NRG3: variants seen among roughly 807,000 people sequenced by gnomAD.
NRG3 encodes the protein neuregulin 3.
In NRG3, 31 loss-of-function variants were observed where a neutral mutation model predicts 66.9. That is an observed-to-expected ratio of 0.46 (90% CI 0.35 to 0.63). The LOEUF (loss-of-function observed/expected upper bound fraction) is 0.63. NRG3 is among the 20% of genes least tolerant of loss of function. The probability of loss-of-function intolerance (pLI) is 0.00; values close to 1 mark genes in which losing one functional copy is unlikely to be tolerated. For synonymous variants in NRG3, 393 were observed against 359.4 expected (o/e 1.09, Z -1.06); for missense variants, 910 against 878.9 (o/e 1.04, Z -0.45).
intron 4 of NRG3, among the ~76,000 whole-genome samples, chr10:82,915,996 C>G (rs893005633): frequency 3.3e-5 from 5 of 152,018 alleles, no homozygotes; most frequent in African/African-American, 1.2e-4. Context: ...ATCTCAGTAG[C>G]CTTTTTTATT....
intron 2 of NRG3, among the ~76,000 whole-genome samples, chr10:82,390,251 T>C (rs2086264434): frequency 1.3e-5 from 2 of 152,160 alleles, no homozygotes; most frequent in Admixed American, 1.3e-4. Context: ...CTTTCTTTAA[T>C]GGCATTTCCC....
chr10:81,969,915 A>G (rs2059866469), intron 1 of NRG3, among the ~76,000 whole-genome samples: 1 of 152,054 alleles, frequency 6.6e-6, no homozygotes, highest in South Asian at 2.1e-4. Context: ...ATTTGTCACA[A>G]GATATTGCAC....
intron 3 of NRG3, among the ~76,000 whole-genome samples, chr10:82,784,752 T>G (rs1233666123): frequency 6.6e-6 from 1 of 151,986 alleles, no homozygotes; most frequent in Non-Finnish European, 1.5e-5. Context: ...TTTACACTGT[T>G]GGTGGGACTG....
chr10:82,437,630 T>A (rs1477049578), intron 2 of NRG3, among the ~76,000 whole-genome samples: 2 of 151,990 alleles, frequency 1.3e-5, no homozygotes, highest in African/African-American at 4.8e-5. Flanking sequence ...GCCTTTTGGG[T>A]TTTTGGCATT....
intron 3 of NRG3, among the ~76,000 whole-genome samples, chr10:82,761,958 T>TTCTTTC (rs1379553727): frequency 6.7e-6 from 1 of 148,944 alleles, no homozygotes; most frequent in African/African-American, 2.5e-5. Flanking sequence ...CTTTCTTTCT[T>TTCTTTC]TCTTTCTTTC....
At chr10:82,616,519 G>A (rs1209287684) in intron 2 of NRG3, among the ~76,000 whole-genome samples, 1 of 152,090 alleles carries the variant, frequency 6.6e-6, no homozygotes, top group Non-Finnish European at 1.5e-5. Flanking sequence ...TTTGAAATCT[G>A]ATCTCACACT....
intron 1 of NRG3, among the ~76,000 whole-genome samples, chr10:82,320,705 T>A (rs1026292544): frequency 2.0e-5 from 3 of 152,268 alleles, no homozygotes; most frequent in African/African-American, 7.2e-5. Context: ...CCCTGTGATA[T>A]GGACAACACA....
intron 3 of NRG3, among the ~76,000 whole-genome samples, chr10:82,761,997 C>T (rs1348963085): frequency 1.2e-5 from 1 of 86,896 alleles, no homozygotes; most frequent in Non-Finnish European, 2.4e-5. Context: ...TCTTTCTTTT[C>T]CTTTCTCTCT....
At chr10:82,367,336 G>T (rs2084599831) in intron 2 of NRG3, among the ~76,000 whole-genome samples, 1 of 152,066 alleles carries the variant, frequency 6.6e-6, no homozygotes, top group Non-Finnish European at 1.5e-5. Context: ...ATTGATTTTG[G>T]TCTGTCCCTT....
intron 2 of NRG3, among the ~76,000 whole-genome samples, chr10:82,556,657 A>G (rs2044671510): frequency 6.6e-6 from 1 of 152,100 alleles, no homozygotes; most frequent in South Asian, 2.1e-4. Flanking sequence ...TTAAACTTTT[A>G]GGTTCAGGGG....
chr10:82,582,227 A>G (rs532762174), intron 2 of NRG3, among the ~76,000 whole-genome samples: 69 of 152,240 alleles, frequency 4.5e-4, no homozygotes, highest in Non-Finnish European at 6.9e-4. Context: ...ATTTGAGGTC[A>G]TGGATAGAAG....
At chr10:82,104,830 C>A (rs77773099) in intron 1 of NRG3, among the ~76,000 whole-genome samples, 4,169 of 152,244 alleles carry the variant, frequency 0.027, 198 homozygotes, top group African/African-American at 0.096. Context: ...TTCACACATA[C>A]TACACACACA....
chr10:82,645,209 T>G (rs1196876862), intron 2 of NRG3, among the ~76,000 whole-genome samples: 1 of 152,144 alleles, frequency 6.6e-6, no homozygotes, highest in Non-Finnish European at 1.5e-5. Context: ...TCTATGCAGT[T>G]TCACCAACAT....
At chr10:81,994,039 C>T (rs17098945) in intron 1 of NRG3, among the ~76,000 whole-genome samples, 5,286 of 152,134 alleles carry the variant, frequency 0.035, 203 homozygotes, top group East Asian at 0.19. Flanking sequence ...ACCAAACGTA[C>T]GAAAAATGTA....
At chr10:82,164,447 G>T (rs189919083) in intron 1 of NRG3, among the ~76,000 whole-genome samples, 15 of 152,084 alleles carry the variant, frequency 9.9e-5, no homozygotes, top group East Asian at 9.7e-4. Context: ...TGTAACATTA[G>T]AACTCCTTCC....
intron 1 of NRG3, among the ~76,000 whole-genome samples, chr10:82,301,054 A>G (rs1314030913): frequency 6.6e-6 from 1 of 152,214 alleles, no homozygotes; most frequent in Non-Finnish European, 1.5e-5. Context: ...TTAAATGTGC[A>G]TTAAAATATC....
chr10:82,012,464 T>G (rs957343812), intron 1 of NRG3, among the ~76,000 whole-genome samples: 2 of 152,228 alleles, frequency 1.3e-5, no homozygotes, highest in African/African-American at 4.8e-5. Flanking sequence ...ATTTGGCTCC[T>G]CATTATTTAT....
chr10:82,462,450 G>T lies in NRG3; in HGVS notation c.953+103582G>T, dbSNP rs2091561438. 2.0e-5 allele frequency among the ~76,000 whole-genome samples: 3 copies of T among 151,990 alleles called. No individual in the cohort carries two copies. The South Asian group carries it at 6.2e-4, about 32-fold the overall frequency. ...GAAATTTAAAAATTCTGCAATAGAT[G>T]TCATGGAGCCAATAAAGGACTTCAG... On this transcript the variant is annotated intron_variant, in intron 2 of 8. Transcript: ENST00000372141.
chr10:82,949,225 A>G (rs1161258192), intron 4 of NRG3, among the ~76,000 whole-genome samples: 2 of 152,280 alleles, frequency 1.3e-5, no homozygotes, highest in South Asian at 2.1e-4. Flanking sequence ...TTTTGTGTAT[A>G]AACCTTACTT....
Sources: gnomAD v4.1 joint callset for allele counts (sites outside exome capture counted in the v4.1 genomes callset) on GRCh38, gnomAD v4.1.1 for gene constraint, MANE v1.5 for transcripts, NCBI Gene and HGNC (gene_info 2026-07-23, HGNC 2026-07-21) for gene names.